SUMF1: variants seen among roughly 807,000 people sequenced by gnomAD.
The protein encoded by SUMF1 is sulfatase modifying factor 1.
In SUMF1, 48 loss-of-function variants were observed where a neutral mutation model predicts 47.6. That is an observed-to-expected ratio of 1.01 (90% CI 0.80 to 1.28). SUMF1 has a LOEUF of 1.28. Ranked by LOEUF, SUMF1 falls within the 50% of genes most tolerant of loss-of-function variation. SUMF1 has a pLI of 0.00. For synonymous variants in SUMF1, 230 were observed against 192.1 expected, an observed-to-expected ratio of 1.20 and a Z score of -1.63; for missense variants, 571 against 485.4, an observed-to-expected ratio of 1.18 and a Z score of -1.66.
chr3:4,404,058 T>C (rs945541032), intron 7 of SUMF1, among the ~76,000 whole-genome samples: 13 of 152,242 alleles, frequency 8.5e-5, no homozygotes, highest in African/African-American at 3.1e-4. Context: ...GCAAGAAGCA[T>C]ATGTCTGGAT....
intron 3 of SUMF1, among the ~76,000 whole-genome samples, chr3:4,437,256 G>A (rs754496725): frequency 2.6e-5 from 4 of 152,188 alleles, no homozygotes; most frequent in East Asian, 1.9e-4. Context: ...CCAGTAATAC[G>A]TAAGTTGGAT....
chr3:4,083,212 G>C (rs928350522), intron 8 of SUMF1, among the ~76,000 whole-genome samples: 2 of 152,166 alleles, frequency 1.3e-5, no homozygotes, highest in Non-Finnish European at 2.9e-5. Flanking sequence ...TGTTAATATT[G>C]TAATTCAAAC....
chr3:4,199,275 A>T (rs1208666962), intron 8 of SUMF1, among the ~76,000 whole-genome samples: 1 of 152,046 alleles, frequency 6.6e-6, no homozygotes, highest in Non-Finnish European at 1.5e-5. Flanking sequence ...TGCTTCTTTC[A>T]CTTTTGAAGT....
In SUMF1 at chr3:4,087,218, G is replaced by A. The variant is rs367824998; in HGVS notation, c.1015-18473C>T. On this transcript the variant is annotated intron_variant and NMD_transcript_variant, in intron 8 of 12. Coordinates refer to the SUMF1 transcript ENST00000448413. ...AAGTCCTGACACAGACTCTGTGTGTGACCTCAGCCAAGGTATTTAATCTGA... is the reference window on the plus strand; with the variant it reads ...AAGTCCTGACACAGACTCTGTGTGTAACCTCAGCCAAGGTATTTAATCTGA... Among the ~76,000 whole-genome samples, 125 of 152,292 alleles carry A rather than the reference G, an allele frequency of 8.2e-4. 4 individuals carry two copies. The highest frequency in any genetic ancestry group is 2.8e-3 in the African/African-American group (116 of 41,540).
chr3:4,213,336 A>G (rs1387478394), intron 8 of SUMF1, among the ~76,000 whole-genome samples: 1 of 152,174 alleles, frequency 6.6e-6, no homozygotes, highest in Non-Finnish European at 1.5e-5. Flanking sequence ...AAGGAGAAAT[A>G]AAATCCTTTA....
intron 8 of SUMF1, among the ~76,000 whole-genome samples, chr3:4,214,552 A>C (rs571728976): frequency 6.6e-6 from 1 of 152,324 alleles, no homozygotes; most frequent in Non-Finnish European, 1.5e-5. Flanking sequence ...GAAATAACTA[A>C]GATCAGAGCA....
chr3:4,060,823 A>G (rs1695265293), intron 9 of SUMF1, among the ~76,000 whole-genome samples: 1 of 152,166 alleles, frequency 6.6e-6, no homozygotes, highest in Non-Finnish European at 1.5e-5. Context: ...AACCCTTGGG[A>G]AAGTGTTTGG....
At chr3:4,298,204 C>G (rs1697892258) in intron 8 of SUMF1, among the ~76,000 whole-genome samples, 1 of 152,130 alleles carries the variant, frequency 6.6e-6, no homozygotes, top group African/African-American at 2.4e-5. Context: ...CACCATCTAG[C>G]TATAATGGTT....
chr3:4,110,767 C>A (rs1002280582), intron 8 of SUMF1, among the ~76,000 whole-genome samples: 2 of 146,028 alleles, frequency 1.4e-5, no homozygotes, highest in African/African-American at 5.1e-5. Context: ...ACCGCATGTT[C>A]TCACTCATAG....
intron 8 of SUMF1, among the ~76,000 whole-genome samples, chr3:4,174,079 A>C (rs550885791): frequency 6.6e-6 from 1 of 152,190 alleles, no homozygotes; most frequent in South Asian, 2.1e-4. Flanking sequence ...TACCCAGGCC[A>C]GGCACGGTGG....
chr3:4,320,204 T>A lies in SUMF1; in HGVS notation c.1014+56126A>T, dbSNP rs567878839. Among the ~76,000 whole-genome samples, 3 of 152,258 alleles carry A rather than the reference T, an allele frequency of 2.0e-5. No individual in the cohort carries two copies. The South Asian group carries it at 6.2e-4, about 32-fold the overall frequency. ...GAATGCAGACTGTGACAAGAGAACATAACTATTAGTACAAATGTAGGAAAC... is the reference window on the plus strand; with the variant it reads ...GAATGCAGACTGTGACAAGAGAACAAAACTATTAGTACAAATGTAGGAAAC... On this transcript the variant is annotated intron_variant and NMD_transcript_variant, in intron 8 of 12. Coordinates refer to the SUMF1 transcript ENST00000448413.
At chr3:4,166,907 G>A (rs2120509) in intron 8 of SUMF1, among the ~76,000 whole-genome samples, 37,170 of 151,810 alleles carry the variant, frequency 0.24, 5,315 homozygotes, top group East Asian at 0.4. Context: ...CCCTTTCCCA[G>A]AAAGGCTGAC....
chr3:4,252,378 A>ACACACACACC (rs138232038), intron 8 of SUMF1, among the ~76,000 whole-genome samples: 150 of 150,454 alleles, frequency 1.0e-3, no homozygotes, highest in African/African-American at 3.6e-3. Context: ...ACACACACAC[A>ACACACACACC]CCCCACTGGC....
At chr3:4,272,030 G>GC (rs1697315519) in intron 8 of SUMF1, among the ~76,000 whole-genome samples, 1 of 152,152 alleles carries the variant, frequency 6.6e-6, no homozygotes, top group South Asian at 2.1e-4. Context: ...CTACATGACT[G>GC]CCCTCTCTTG....
At chr3:4,232,427 G>A (rs1696320889) in intron 8 of SUMF1, among the ~76,000 whole-genome samples, 2 of 152,018 alleles carry the variant, frequency 1.3e-5, no homozygotes, top group South Asian at 2.1e-4. Context: ...GGTTCATCAC[G>A]TCAGTCCCCT....
intron 8 of SUMF1, among the ~76,000 whole-genome samples, chr3:4,259,161 C>T (rs1697030412): frequency 6.6e-6 from 1 of 150,518 alleles, no homozygotes; most frequent in African/African-American, 2.5e-5. Context: ...ATACCTAATG[C>T]TAGATGACGA....
intron 8 of SUMF1, among the ~76,000 whole-genome samples, chr3:4,277,820 T>C (rs1363666255): frequency 2.0e-5 from 3 of 152,112 alleles, no homozygotes; most frequent in East Asian, 3.8e-4. Context: ...TAGGAAGAGC[T>C]TCCTCTGGGG....
chr3:4,255,123 A>G (rs1246360146), intron 8 of SUMF1, among the ~76,000 whole-genome samples: 1 of 150,648 alleles, frequency 6.6e-6, no homozygotes, highest in Non-Finnish European at 1.5e-5. Context: ...AGCACTAAAC[A>G]TGGAAAGGAA....
intron 8 of SUMF1, among the ~76,000 whole-genome samples, chr3:4,167,732 G>A (rs1306565105): frequency 6.6e-6 from 1 of 152,260 alleles, no homozygotes; most frequent in East Asian, 1.9e-4. Flanking sequence ...TATTTCTTCT[G>A]CAAGGAGCAC....
Sources: allele counts gnomAD v4.1 joint callset (sites outside exome capture counted in the v4.1 genomes callset), GRCh38; gene constraint gnomAD v4.1.1; transcripts MANE v1.5; gene names NCBI Gene and HGNC (gene_info 2026-07-23, HGNC 2026-07-21).